Variants in PPP5C observed in about 807,000 individuals in gnomAD.
PPP5C encodes serine/threonine-protein phosphatase 5.
PPP5C carries 21 observed loss-of-function variants against 66.7 expected under a neutral mutation model. The observed-to-expected ratio is 0.31, with a 90% confidence interval of 0.22 to 0.45. The LOEUF is 0.45. Among genes scored for constraint, PPP5C ranks in the 20% least tolerant of loss-of-function variants. PPP5C has a pLI of 1.00. For missense variants in PPP5C, 464 were observed against 675.9 expected (o/e 0.69, Z 3.48); for synonymous variants, 246 against 257.4 (o/e 0.96, Z 0.43).
intron 4 of PPP5C, among the ~76,000 whole-genome samples, chr19:46,377,303 C>T (rs1972712820): frequency 6.6e-6 from 1 of 152,218 alleles, no homozygotes; most frequent in African/African-American, 2.4e-5. Context: ...GGCTTCACCT[C>T]TCTGTGCCTT....
chr19:46,374,143 G>A (rs1330179786), intron 2 of PPP5C, among the ~76,000 whole-genome samples: 1 of 152,202 alleles, frequency 6.6e-6, no homozygotes, highest in Non-Finnish European at 1.5e-5. Flanking sequence ...CTGGCAGGGT[G>A]CCCTAGGCCT....
At chr19:46,352,930 T>C (rs1972215757) in intron 1 of PPP5C, among the ~76,000 whole-genome samples, 1 of 152,134 alleles carries the variant, frequency 6.6e-6, no homozygotes, top group African/African-American at 2.4e-5. Context: ...GTTAATGTAG[T>C]TTCCCTGGGC....
In PPP5C at chr19:46,380,596, C is replaced by T. The variant is rs572802468; in HGVS notation, c.634-2815C>T. ...TACTTTTAGCATTTCTTACAGTGCA[C>T]GTCTGCTGTAGACTAATTCTCTCAG... On this transcript the variant is annotated intron_variant, in intron 4 of 12. Transcript: ENST00000012443. Among the ~76,000 whole-genome samples the T allele has an allele frequency of 3.9e-5, 6 of 152,310 alleles. No homozygotes were observed. The South Asian group carries it at 8.3e-4, about 21-fold the overall frequency.
intron 7 of PPP5C, 65 bp downstream of exon 7, chr19:46,384,974 A>C: frequency 8.1e-7 from 1 of 1,230,122 alleles, no homozygotes; most frequent in Non-Finnish European, 1.2e-6. Flanking sequence ...TCACTCTGCA[A>C]GGATAATAGT....
At chr19:46,356,786 T>C (rs895583545) in intron 2 of PPP5C, among the ~76,000 whole-genome samples, 12 of 152,208 alleles carry the variant, frequency 7.9e-5, no homozygotes, top group African/African-American at 2.7e-4. Context: ...TGACTTTTCA[T>C]TTACACAAGT....
At chr19:46,387,646 C>T (rs751880088) in intron 9 of PPP5C, 193 bp downstream of exon 9, 41 of 1,514,308 alleles carry the variant, frequency 2.7e-5, no homozygotes, top group African/African-American at 9.6e-5. Context: ...CAAGCACGGT[C>T]GTGACCATGG....
chr19:46,347,970 A>G (rs1972115004), intron 1 of PPP5C, among the ~76,000 whole-genome samples: 1 of 151,850 alleles, frequency 6.6e-6, no homozygotes, highest in African/African-American at 2.4e-5. Flanking sequence ...AAAACCATGT[A>G]AATAAGTAAA....
intron 2 of PPP5C, among the ~76,000 whole-genome samples, chr19:46,366,086 T>A (rs1212641240): frequency 6.6e-6 from 1 of 152,128 alleles, no homozygotes; most frequent in African/African-American, 2.4e-5. Context: ...CTCACCCTTT[T>A]GCCCCCAGTG....
chr19:46,388,238 A>T lies in PPP5C; in HGVS notation c.1136-170A>T, dbSNP rs1233365347. 4.3e-6 allele frequency: 3 copies of T among 691,478 alleles called. No homozygotes were observed. The highest frequency in any genetic ancestry group is 5.5e-5 in the East Asian group (2 of 36,298). 42.8% of individuals were successfully genotyped at this position (691,478 alleles called of 1,614,324 possible). A position where few individuals can be genotyped will look rare whatever the true frequency, so the allele number is the denominator to read the frequency against. On this transcript the variant is annotated intron_variant, in intron 9 of 12. Transcript: ENST00000012443. This position sits in a 1 kb window ranked among gnomAD's most constrained non-coding sequence, Gnocchi z 4.9. ...AGCAGAGAGGGTGGGGGTGGCTCAG[A>T]ATCACAGTCACCTGTCCTGAATGTC...
intron 2 of PPP5C, among the ~76,000 whole-genome samples, chr19:46,361,425 G>A (rs963520747): frequency 1.4e-5 from 2 of 145,384 alleles, no homozygotes; most frequent in African/African-American, 5.0e-5. Context: ...CACTGCGCCT[G>A]GCTGAAAAAT....
At chr19:46,357,469 C>T (rs1886621860) in intron 2 of PPP5C, among the ~76,000 whole-genome samples, 1 of 152,338 alleles carries the variant, frequency 6.6e-6, no homozygotes, top group East Asian at 1.9e-4. Flanking sequence ...CTGCAGTGGA[C>T]ACCAGCTGGG....
intron 2 of PPP5C, 143 bp downstream of exon 2, chr19:46,354,132 G>A: frequency 1.6e-6 from 2 of 1,273,608 alleles, no homozygotes; most frequent in Non-Finnish European, 2.1e-6. Flanking sequence ...CTTGGGCCCA[G>A]GCCAGAGTAC....
At position 46,388,263 on chromosome 19, in the gene PPP5C, C is replaced by T. The variant is rs909813718; in HGVS notation, c.1136-145C>T. ...AATCACAGTCACCTGTCCTGAATGT[C>T]CATGTCCATGCTGGATGTCCCCTGC... On this transcript the variant is annotated intron_variant, in intron 9 of 12. Transcript: ENST00000012443. This position sits in a 1 kb window ranked among gnomAD's most constrained non-coding sequence, Gnocchi z 4.9. 15 of 825,172 alleles carry T rather than the reference C, an allele frequency of 1.8e-5. No homozygotes were observed. The African/African-American group carries it at 2.6e-4, about 14-fold the overall frequency. 51.1% of individuals were successfully genotyped at this position (825,172 alleles called of 1,614,324 possible).
chr19:46,370,398 T>C (rs1483804244), intron 2 of PPP5C, among the ~76,000 whole-genome samples: 1 of 152,210 alleles, frequency 6.6e-6, no homozygotes, highest in African/African-American at 2.4e-5. Flanking sequence ...TCAGTATCAC[T>C]GTCTCCCACC....
chr19:46,367,608 A>G (rs889915927), intron 2 of PPP5C, among the ~76,000 whole-genome samples: 10 of 152,162 alleles, frequency 6.6e-5, no homozygotes, highest in South Asian at 6.2e-4. Flanking sequence ...CCTTTCACCA[A>G]TACTTTGAGA....
At position 46,388,819 on chromosome 19, in the gene PPP5C, T is replaced by G. The variant is rs751168515; in HGVS notation, c.1355+88T>G. On this transcript the variant is annotated intron_variant, in intron 11 of 12. Transcript: ENST00000012443. This position sits in a 1 kb window ranked among gnomAD's most constrained non-coding sequence, Gnocchi z 4.9. ...GTTTTGCCTTTTTATGATGGAACAT[T>G]TCAAAGACAGGCAAGAGCAGATAAA... 4.7e-6 allele frequency: 7 copies of G among 1,480,792 alleles called. No homozygotes were observed. The African/African-American group carries it at 8.4e-5, about 18-fold the overall frequency. The allele number at this position is 1,480,792 out of a possible 1,614,324, so 91.7% of individuals were successfully genotyped here.
intron 1 of PPP5C, among the ~76,000 whole-genome samples, chr19:46,352,648 G>A (rs955636804): frequency 2.3e-4 from 35 of 152,188 alleles, no homozygotes; most frequent in Admixed American, 1.3e-4. Flanking sequence ...GTGAAACCCC[G>A]TCTCTACTAA....
intron 4 of PPP5C, among the ~76,000 whole-genome samples, chr19:46,377,756 C>G (rs1422360463): frequency 6.6e-6 from 1 of 152,206 alleles, no homozygotes; most frequent in African/African-American, 2.4e-5. Flanking sequence ...TATGGGCTTA[C>G]AGCGTTTAGT....
At chr19:46,371,141 G>A (rs1972584603) in intron 2 of PPP5C, among the ~76,000 whole-genome samples, 2 of 152,164 alleles carry the variant, frequency 1.3e-5, no homozygotes, top group Non-Finnish European at 2.9e-5. Context: ...CACCACCTAT[G>A]TTCTTTCCTG....
Sources: allele counts gnomAD v4.1 joint callset (sites outside exome capture counted in the v4.1 genomes callset), GRCh38; gene constraint gnomAD v4.1.1; non-coding constraint Gnocchi (gnomAD v3.1); transcripts MANE v1.5; gene names NCBI Gene and HGNC (gene_info 2026-07-23, HGNC 2026-07-21).